The following KCNIP4 variants were observed in gnomAD, a reference collection of about 807,000 sequenced individuals.
The protein encoded by KCNIP4 is potassium voltage-gated channel interacting protein 4, also known as Kv channel-interacting protein 4.
KCNIP4 carries 12 observed loss-of-function variants against 34.0 expected under a neutral mutation model. The ratio of observed to expected loss-of-function variants is 0.35; its 90% CI spans 0.23 to 0.57. The LOEUF (loss-of-function observed/expected upper bound fraction) is 0.57. Among genes scored for constraint, KCNIP4 ranks in the 20% least tolerant of loss-of-function variants. The pLI is 0.83. For missense variants in KCNIP4, 238 were observed against 311.7 expected, an observed-to-expected ratio of 0.76 and a Z score of 1.78; for synonymous variants, 124 against 102.2, an observed-to-expected ratio of 1.21 and a Z score of -1.29.
intron 1 of KCNIP4, among the ~76,000 whole-genome samples, chr4:21,867,318 A>C (rs1578089607): frequency 6.6e-6 from 1 of 152,184 alleles, no homozygotes; most frequent in African/African-American, 2.4e-5. Context: ...AATGAGTCTC[A>C]CTTTTCATAA....
intron 1 of KCNIP4, chr4:21,844,991 A>C (rs1224714890): frequency 6.6e-6 from 1 of 151,446 alleles, no homozygotes; most frequent in Non-Finnish European, 1.5e-5. Context: ...ACTGCACTGC[A>C]TATTTGGATG....
chr4:21,181,887 C>CACTG (rs990163735), intron 1 of KCNIP4, among the ~76,000 whole-genome samples: 4 of 152,090 alleles, frequency 2.6e-5, no homozygotes, highest in African/African-American at 7.2e-5. Context: ...TCATGACTAA[C>CACTG]ACTGGTACAA....
rs989947512 is a variant in KCNIP4, at chr4:20,918,455, A to G, written c.62-35746T>C. Among the ~76,000 whole-genome samples the G allele has an allele frequency of 3.9e-5, 6 of 152,294 alleles. No homozygotes were observed. In the East Asian group the frequency reaches 1.2e-3, roughly 29 times the overall value. On this transcript the variant is annotated intron_variant, in intron 1 of 8. Transcript: ENST00000382152. ...TGTGGATTAATGTCAAACCAGGCAT[A>G]TCTTTTTTCTCTTTTAATACTTTTA...
intron 1 of KCNIP4, among the ~76,000 whole-genome samples, chr4:21,226,794 T>C (rs1199952196): frequency 6.6e-6 from 1 of 152,214 alleles, no homozygotes; most frequent in Non-Finnish European, 1.5e-5. Flanking sequence ...GTGAAAATTG[T>C]TCAGGGTTTC....
At chr4:21,508,936 C>T (rs946006842) in intron 1 of KCNIP4, among the ~76,000 whole-genome samples, 6 of 152,104 alleles carry the variant, frequency 3.9e-5, no homozygotes, top group Admixed American at 1.3e-4. Flanking sequence ...TTATTCCTAA[C>T]ATGGACACCT....
At chr4:20,993,047 A>AAAAAT (rs1737227757) in intron 1 of KCNIP4, among the ~76,000 whole-genome samples, 4 of 151,216 alleles carry the variant, frequency 2.6e-5, no homozygotes, top group Non-Finnish European at 5.9e-5. Flanking sequence ...AAAAAAAAAA[A>AAAAAT]AAAAGAGAGC....
chr4:21,873,310 CA>C, intron 1 of KCNIP4, among the ~76,000 whole-genome samples: 1 of 152,252 alleles, frequency 6.6e-6, no homozygotes, highest in Non-Finnish European at 1.5e-5. Flanking sequence ...ATGCATTATG[CA>C]AACCAACCAC....
chr4:21,835,323 A>G (rs1723252448), intron 1 of KCNIP4, among the ~76,000 whole-genome samples: 1 of 152,200 alleles, frequency 6.6e-6, no homozygotes. Context: ...TGAAAAACAA[A>G]TAACATAATA....
intron 1 of KCNIP4, among the ~76,000 whole-genome samples, chr4:21,683,356 C>T (rs1424335612): frequency 6.8e-6 from 1 of 147,878 alleles, no homozygotes; most frequent in East Asian, 2.1e-4. Flanking sequence ...GAAGGTCGGA[C>T]TATCATTATC....
intron 1 of KCNIP4, among the ~76,000 whole-genome samples, chr4:21,674,766 G>A (rs1749761498): frequency 6.6e-6 from 1 of 152,092 alleles, no homozygotes; most frequent in African/African-American, 2.4e-5. Context: ...TCAATCATCT[G>A]TGGATCCCAT....
intron 3 of KCNIP4, among the ~76,000 whole-genome samples, chr4:20,832,726 TAA>T (rs34577392): frequency 5.4e-4 from 77 of 141,968 alleles, no homozygotes; most frequent in East Asian, 1.6e-3. Context: ...GCTTTTTATT[TAA>T]AAAAAAAAAA....
Position 20,764,411 on chromosome 4 carries a change from T to A in KCNIP4, c.289-5521A>T, listed in dbSNP as rs540873000. On this transcript the variant is annotated intron_variant, in intron 3 of 8. Transcript: ENST00000382152. Reference sequence around the variant, plus strand: ...ATTGAACTTACCATACTGTTGCATATTGAGGCGATTTTGGCATTTTTGCAC... The same window carrying A: ...ATTGAACTTACCATACTGTTGCATAATGAGGCGATTTTGGCATTTTTGCAC... Among the ~76,000 whole-genome samples, 3 of 152,208 alleles carry A rather than the reference T, an allele frequency of 2.0e-5. No homozygotes were observed. In the South Asian group the frequency reaches 6.2e-4, roughly 32 times the overall value.
chr4:21,719,989 G>T (rs1226310255), intron 1 of KCNIP4, among the ~76,000 whole-genome samples: 1 of 108,532 alleles, frequency 9.2e-6, no homozygotes, highest in African/African-American at 4.9e-5. Flanking sequence ...AGAAGAAGAG[G>T]AAGAAGAAAA....
intron 3 of KCNIP4, among the ~76,000 whole-genome samples, chr4:20,803,470 C>CAAAAAAAAAAAAAAA (rs551176038): frequency 3.5e-5 from 3 of 85,902 alleles, no homozygotes; most frequent in African/African-American, 1.5e-4. Context: ...TCATCTTTAC[C>CAAAAAAAAAAAAAAA]AAAAAAAAAA....
At chr4:20,796,145 A>C (rs942024283) in intron 3 of KCNIP4, among the ~76,000 whole-genome samples, 3 of 152,206 alleles carry the variant, frequency 2.0e-5, no homozygotes, top group African/African-American at 7.2e-5. Context: ...GATCTTAAAG[A>C]CAGAGATAAA....
At chr4:21,209,366 A>G (rs757970820) in intron 1 of KCNIP4, among the ~76,000 whole-genome samples, 1 of 152,076 alleles carries the variant, frequency 6.6e-6, no homozygotes, top group African/African-American at 2.4e-5. Flanking sequence ...ATCTAGCTGT[A>G]ATTTTGTATC....
chr4:21,468,209 C>A (rs2109796834), intron 1 of KCNIP4, among the ~76,000 whole-genome samples: 1 of 151,094 alleles, frequency 6.6e-6, no homozygotes. Context: ...GGAGAATGAT[C>A]ACATAGTTAC....
chr4:21,541,418 A>G (rs1240916248), intron 1 of KCNIP4, among the ~76,000 whole-genome samples: 1 of 152,100 alleles, frequency 6.6e-6, no homozygotes, highest in Non-Finnish European at 1.5e-5. Context: ...TTCTAGTCTT[A>G]AACTTGAGCC....
chr4:20,792,897 A>G (rs976013779), intron 3 of KCNIP4, among the ~76,000 whole-genome samples: 7 of 152,210 alleles, frequency 4.6e-5, no homozygotes, highest in Non-Finnish European at 2.9e-5. Context: ...AGTACTATCC[A>G]CCAACTTGAA....
Sources: gnomAD v4.1 joint callset for allele counts (sites outside exome capture counted in the v4.1 genomes callset) on GRCh38, gnomAD v4.1.1 for gene constraint, MANE v1.5 for transcripts, NCBI Gene and HGNC (gene_info 2026-07-23, HGNC 2026-07-21) for gene names.